The following NDC1 variants were observed in gnomAD, a reference collection of about 807,000 sequenced individuals.
NDC1 encodes the protein nucleoporin NDC1.
Under a neutral mutation model 89.8 loss-of-function variants are expected in NDC1, and 24 were observed. That is an observed-to-expected ratio of 0.27 (90% CI 0.19 to 0.38). The LOEUF is 0.38. Ranked by LOEUF, NDC1 falls within the 10% of genes least tolerant of loss-of-function variation. The pLI is 1.00. For missense variants in NDC1, 728 were observed against 797.6 expected, an observed-to-expected ratio of 0.91 and a Z score of 1.05; for synonymous variants, 296 against 284.8, an observed-to-expected ratio of 1.04 and a Z score of -0.39.
intron 2 of NDC1, among the ~76,000 whole-genome samples, chr1:53,835,114 C>T (rs555184743): frequency 6.6e-6 from 1 of 152,184 alleles, no homozygotes; most frequent in African/African-American, 2.4e-5. Context: ...TAATTTTAGA[C>T]GTATTTTTAA....
At chr1:53,798,138 T>TTATTA (rs1647782741) in intron 11 of NDC1, among the ~76,000 whole-genome samples, 6 of 133,022 alleles carry the variant, frequency 4.5e-5, no homozygotes, top group South Asian at 2.5e-4. Context: ...CCATCTTCTT[T>TTATTA]TTATTATTAT....
chr1:53,789,119 C>G lies in NDC1; in HGVS notation c.1699+14G>C, dbSNP rs370200244. ...CAATTAAAATCATAGTTACAGTTCA[C>G]AGTCATTGCTTACCTTCTAATGCCC... is the stretch of plus-strand genomic sequence containing the variant. On this transcript the variant is annotated intron_variant, in intron 15 of 17. Coordinates refer to ENST00000371429, the MANE Select transcript of NDC1 (RefSeq NM_018087.5). 3 of 1,541,578 alleles carry G rather than the reference C, an allele frequency of 1.9e-6. No individual in the cohort carries two copies. In the African/African-American group the frequency reaches 4.1e-5, roughly 21 times the overall value.
intron 6 of NDC1, among the ~76,000 whole-genome samples, chr1:53,817,369 A>C (rs963151274): frequency 4.6e-5 from 7 of 152,260 alleles, no homozygotes; most frequent in African/African-American, 7.2e-5. Flanking sequence ...TATTATCCTA[A>C]GTGAAGTAAC....
intron 16 of NDC1, among the ~76,000 whole-genome samples, chr1:53,781,598 C>G (rs1569783): frequency 0.84 from 128,408 of 152,190 alleles, 54,684 homozygotes; most frequent in African/African-American, 0.91. Context: ...TGATGTTATT[C>G]ATACTGAAAA....
At chr1:53,835,443 A>G in intron 2 of NDC1, 57 bp downstream of exon 2, 1 of 1,482,974 alleles carries the variant, frequency 6.7e-7, no homozygotes, top group Admixed American at 2.2e-5. Flanking sequence ...ACATAATGCA[A>G]TTTTTATGTT....
chr1:53,835,480 C>A lies in NDC1; in HGVS notation c.178+20G>T, dbSNP rs757617438. On this transcript the variant is annotated intron_variant, in intron 2 of 17. Transcript: ENST00000371429. ...AGAAGTAGGTCCTATAACTTTCTCC[C>A]CAAGTTGAGTATCACCTACCAGACA... The A allele has an allele frequency of 6.3e-7, 1 of 1,587,852 alleles. No homozygotes were observed. Among genetic ancestry groups the A allele is most frequent in the Admixed American group, 1.9e-5 (1 of 53,146 alleles).
chr1:53,788,851 C>G (rs1647393554), intron 15 of NDC1, among the ~76,000 whole-genome samples: 1 of 151,608 alleles, frequency 6.6e-6, no homozygotes, highest in South Asian at 2.1e-4. Context: ...GAGCCATGTT[C>G]ATAACACTGC....
chr1:53,820,639 C>T (rs1180149595), intron 5 of NDC1, among the ~76,000 whole-genome samples: 2 of 137,300 alleles, frequency 1.5e-5, no homozygotes, highest in African/African-American at 2.7e-5. Flanking sequence ...CAATGGAAAA[C>T]AAGATAAATG....
intron 17 of NDC1, among the ~76,000 whole-genome samples, chr1:53,769,511 T>C (rs904991995): frequency 2.0e-5 from 3 of 152,238 alleles, no homozygotes; most frequent in Non-Finnish European, 4.4e-5. Context: ...ACATATGTTA[T>C]AAACCTCAAA....
At chr1:53,790,305 T>C (rs1462809857) in intron 14 of NDC1, among the ~76,000 whole-genome samples, 6 of 142,120 alleles carry the variant, frequency 4.2e-5, no homozygotes, top group East Asian at 2.2e-4. Context: ...GCAGAGGTTG[T>C]AATGAGCTGA....
At chr1:53,772,740 T>C (rs1279066793) in intron 16 of NDC1, among the ~76,000 whole-genome samples, 81 of 140,180 alleles carry the variant, frequency 5.8e-4, no homozygotes, top group African/African-American at 1.7e-3. Context: ...ACAAACATAA[T>C]ATAACATAAA....
intron 16 of NDC1, 95 bp from the exon 17 acceptor site, chr1:53,772,584 A>G (rs758689471): frequency 3.3e-6 from 4 of 1,208,390 alleles, no homozygotes; most frequent in Non-Finnish European, 4.7e-6. Flanking sequence ...AACACTTTGG[A>G]AGGACGAGGC....
At chr1:53,789,267 T>C in intron 14 of NDC1, 71 bp from the exon 15 acceptor site, 1 of 908,306 alleles carries the variant, frequency 1.1e-6, no homozygotes, top group Non-Finnish European at 1.7e-6. Flanking sequence ...TTTAATTAAA[T>C]ATGTAGACCA....
chr1:53,798,202 C>T (rs1161903787), intron 11 of NDC1, among the ~76,000 whole-genome samples: 2 of 143,708 alleles, frequency 1.4e-5, no homozygotes, highest in Admixed American at 7.0e-5. Context: ...TAGAGTCTCA[C>T]TCTGTGGCCA....
At chr1:53,797,364 AGT>A (rs1334530449) in intron 11 of NDC1, among the ~76,000 whole-genome samples, 1 of 142,944 alleles carries the variant, frequency 7.0e-6, no homozygotes, top group Non-Finnish European at 1.5e-5. Flanking sequence ...AGATCGATAT[AGT>A]CTCTCTTTTT....
intron 1 of NDC1, among the ~76,000 whole-genome samples, chr1:53,836,322 CG>C (rs1649230182): frequency 6.6e-6 from 1 of 151,702 alleles, no homozygotes; most frequent in South Asian, 2.1e-4. Flanking sequence ...CCAGGGTGGG[CG>C]GATCACTTGA....
intron 9 of NDC1, among the ~76,000 whole-genome samples, chr1:53,805,658 T>A (rs986179861): frequency 3.3e-5 from 5 of 152,240 alleles, no homozygotes; most frequent in Non-Finnish European, 7.3e-5. Context: ...TTTAGGGTCA[T>A]TACCAGCAAT....
chr1:53,811,718 C>T lies in NDC1; in HGVS notation c.704-1972G>A, dbSNP rs575078823. Among the ~76,000 whole-genome samples the T allele has an allele frequency of 4.9e-4, 74 of 151,518 alleles. 1 individual carries two copies. In the South Asian group the frequency reaches 0.015, roughly 30 times the overall value. On this transcript the variant is annotated intron_variant, in intron 6 of 17. Coordinates refer to ENST00000371429, the MANE Select transcript of NDC1 (RefSeq NM_018087.5). ...ACATATAATCTTGGGAGTTCTAGGG[C>T]CCCACCCACTGCCAGTCCCTCTCCA...
chr1:53,790,719 AAACAAC>A (rs373166493), intron 14 of NDC1, among the ~76,000 whole-genome samples: 8 of 152,170 alleles, frequency 5.3e-5, no homozygotes, highest in Admixed American at 2.6e-4. Context: ...ATAAATAAAT[AAACAAC>A]AACAACAACA....
Sources: gnomAD v4.1 joint callset for allele counts (sites outside exome capture counted in the v4.1 genomes callset) on GRCh38, gnomAD v4.1.1 for gene constraint, MANE v1.5 for transcripts, NCBI Gene and HGNC (gene_info 2026-07-23, HGNC 2026-07-21) for gene names.